The following WWOX variants were observed in gnomAD, a reference collection of about 807,000 sequenced individuals.
WWOX encodes the protein WW domain-containing oxidoreductase.
Under a neutral mutation model 46.2 loss-of-function variants are expected in WWOX, and 69 were observed. The observed-to-expected ratio is 1.49, with a 90% CI of 1.23 to 1.82. The LOEUF is 1.82. WWOX is among the 40% of genes most tolerant of loss of function. The pLI is 0.00. For synonymous variants in WWOX, 359 were observed against 202.6 expected (o/e 1.77, Z -6.56); for missense variants, 919 against 542.6 (o/e 1.69, Z -6.89).
At chr16:78,837,658 G>A (rs1331735124) in intron 8 of WWOX, among the ~76,000 whole-genome samples, 1 of 152,056 alleles carries the variant, frequency 6.6e-6, no homozygotes, top group African/African-American at 2.4e-5. Context: ...CAAATATTTT[G>A]TATCTTATAC....
At chr16:78,677,530 G>C (rs563887758) in intron 8 of WWOX, among the ~76,000 whole-genome samples, 1 of 152,182 alleles carries the variant, frequency 6.6e-6, no homozygotes, top group African/African-American at 2.4e-5. Flanking sequence ...CTCATTAGCA[G>C]CCTCTGCTCT....
intron 8 of WWOX, among the ~76,000 whole-genome samples, chr16:78,670,087 G>A (rs142982191): frequency 1.5e-4 from 23 of 152,096 alleles, no homozygotes; most frequent in African/African-American, 4.3e-4. Flanking sequence ...GTTCCCGGCC[G>A]CCCCCGGAAG....
At chr16:79,121,435 T>C (rs2049629381) in intron 8 of WWOX, among the ~76,000 whole-genome samples, 1 of 152,212 alleles carries the variant, frequency 6.6e-6, no homozygotes, top group Admixed American at 6.5e-5. Context: ...GGCCAGTAGA[T>C]GGAATTCTAA....
intron 8 of WWOX, among the ~76,000 whole-genome samples, chr16:78,999,218 C>G (rs1276663349): frequency 6.6e-6 from 1 of 151,880 alleles, no homozygotes; most frequent in East Asian, 1.9e-4. Flanking sequence ...TACCTGTAAT[C>G]CCAGCACTTT....
chr16:78,643,907 T>C (rs945715527), intron 8 of WWOX, among the ~76,000 whole-genome samples: 1 of 151,446 alleles, frequency 6.6e-6, no homozygotes, highest in Admixed American at 6.6e-5. Flanking sequence ...ATCTTGATGA[T>C]ACTTTATTAA....
chr16:78,574,355 A>G (rs1008594731), intron 8 of WWOX, among the ~76,000 whole-genome samples: 1 of 152,218 alleles, frequency 6.6e-6, no homozygotes, highest in African/African-American at 2.4e-5. Context: ...AATGGTGTGA[A>G]TACCAGGTGG....
At chr16:78,259,453 A>ATCTATCTATCTATGTAT (rs1555510204) in intron 5 of WWOX, among the ~76,000 whole-genome samples, 24 of 151,900 alleles carry the variant, frequency 1.6e-4, no homozygotes, top group African/African-American at 2.4e-4. Flanking sequence ...CAGTCTGCCG[A>ATCTATCTATCTATGTAT]CTAGCTGGGA....
At chr16:78,944,109 G>GT (rs1216940114) in intron 8 of WWOX, among the ~76,000 whole-genome samples, 2 of 152,148 alleles carry the variant, frequency 1.3e-5, no homozygotes, top group Non-Finnish European at 2.9e-5. Flanking sequence ...TTGTTTGGGG[G>GT]TTTTTTGCTG....
At chr16:78,846,533 C>T (rs186611248) in intron 8 of WWOX, among the ~76,000 whole-genome samples, 39 of 152,122 alleles carry the variant, frequency 2.6e-4, no homozygotes, top group Admixed American at 2.0e-3. Context: ...ATTAGAATGA[C>T]GTGGTGCATT....
intron 8 of WWOX, chr16:79,204,466 C>T (rs2051443580): frequency 6.6e-6 from 1 of 152,114 alleles, no homozygotes; most frequent in African/African-American, 2.4e-5. Flanking sequence ...ACAATAATAG[C>T]AGGTCTCAGA....
chr16:78,410,852 C>T lies in WWOX; in HGVS notation c.606-14018C>T, dbSNP rs58379575. The stretch of plus-strand genomic sequence containing the variant: ...AAGTTAGCTGGGGCCAAGGTCATCT[C>T]AAGTCTTGACTATGAAAGGACCTAA... On this transcript the variant is annotated intron_variant, in intron 6 of 8. Coordinates refer to ENST00000566780, the MANE Select transcript of WWOX (RefSeq NM_016373.4). Among the ~76,000 whole-genome samples, 1,461 of 149,666 alleles carry T rather than the reference C, an allele frequency of 9.8e-3. 22 individuals carry two copies. Among genetic ancestry groups the T allele is most frequent in the African/African-American group, 0.033 (1,325 of 40,560 alleles).
chr16:78,431,689 TC>T (rs1412957733), intron 7 of WWOX, among the ~76,000 whole-genome samples: 1 of 30,216 alleles, frequency 3.3e-5, no homozygotes, highest in African/African-American at 9.6e-5. Flanking sequence ...TTGTAGCCAA[TC>T]CTTTTTTTTT....
chr16:78,625,127 C>G (rs962508124), intron 8 of WWOX, among the ~76,000 whole-genome samples: 2 of 152,206 alleles, frequency 1.3e-5, no homozygotes, highest in African/African-American at 2.4e-5. Flanking sequence ...CATTCCTAAG[C>G]TACTAAAACT....
intron 8 of WWOX, among the ~76,000 whole-genome samples, chr16:79,135,040 CTT>C (rs989410229): frequency 1.1e-4 from 16 of 152,224 alleles, no homozygotes; most frequent in African/African-American, 3.1e-4. Context: ...ATTTTTCTCT[CTT>C]ATAAATAAAA....
chr16:78,483,406 C>T (rs1270847331), intron 8 of WWOX, among the ~76,000 whole-genome samples: 1 of 149,076 alleles, frequency 6.7e-6, no homozygotes, highest in Non-Finnish European at 1.5e-5. Flanking sequence ...TTTCTTTTTG[C>T]CGGCATCTGC....
At chr16:78,693,827 A>C (rs2048042100) in intron 8 of WWOX, among the ~76,000 whole-genome samples, 1 of 152,118 alleles carries the variant, frequency 6.6e-6, no homozygotes, top group Non-Finnish European at 1.5e-5. Flanking sequence ...CATGCTTGTA[A>C]ATTATTATTT....
chr16:78,992,672 G>T (rs2046911906), intron 8 of WWOX, among the ~76,000 whole-genome samples: 1 of 152,066 alleles, frequency 6.6e-6, no homozygotes, highest in South Asian at 2.1e-4. Context: ...GCCCACAGAA[G>T]CCTCAAGCCT....
Position 78,863,795 on chromosome 16 carries a change from G to A in WWOX, c.1057-347813G>A, listed in dbSNP as rs551534599. 3.3e-5 allele frequency among the ~76,000 whole-genome samples: 5 copies of A among 152,318 alleles called. No homozygotes were observed. In the South Asian group the frequency reaches 6.2e-4, roughly 19 times the overall value. On this transcript the variant is annotated intron_variant, in intron 8 of 8. Coordinates refer to ENST00000566780, the MANE Select transcript of WWOX (RefSeq NM_016373.4). ...ATAAACAAACTATCACAGGCATAGTGAGTTGGAATGATGGCTCTCAAAAAA... is the reference window on the plus strand; with the variant it reads ...ATAAACAAACTATCACAGGCATAGTAAGTTGGAATGATGGCTCTCAAAAAA...
chr16:78,310,987 G>A (rs1240479335), intron 5 of WWOX, among the ~76,000 whole-genome samples: 1 of 152,220 alleles, frequency 6.6e-6, no homozygotes, highest in Non-Finnish European at 1.5e-5. Context: ...AGAGCCAGCT[G>A]CCTGCGTGGC....
Sources: gnomAD v4.1 joint callset for allele counts (sites outside exome capture counted in the v4.1 genomes callset) on GRCh38, gnomAD v4.1.1 for gene constraint, MANE v1.5 for transcripts, NCBI Gene and HGNC (gene_info 2026-07-23, HGNC 2026-07-21) for gene names.